TRIM5: variants seen among roughly 807,000 people sequenced by gnomAD.
The protein encoded by TRIM5 is tripartite motif containing 5.
Under a neutral mutation model 35.6 loss-of-function variants are expected in TRIM5, and 31 were observed. The observed-to-expected ratio is 0.87, with a 90% CI of 0.65 to 1.18. The LOEUF is 1.18. TRIM5 is among the 50% of genes most tolerant of loss of function. TRIM5 has a pLI of 0.00. For synonymous variants in TRIM5, 243 were observed against 215.6 expected (o/e 1.13, Z -1.11); for missense variants, 609 against 591.6 (o/e 1.03, Z -0.31).
intron 1 of TRIM5, among the ~76,000 whole-genome samples, chr11:5,683,138 C>T (rs145511662): frequency 0.02 from 3,011 of 152,320 alleles, 99 homozygotes; most frequent in African/African-American, 0.067. Context: ...GCTGCCTCCC[C>T]GCGGGGCAGA....
At chr11:5,633,977 T>G in the TRIM5 span, 2 of 1,468,470 alleles carry the variant, frequency 1.4e-6, no homozygotes, top group Non-Finnish European at 1.9e-6. Context: ...GTCCTTTTTA[T>G]TCCTTGACAT....
the TRIM5 span, among the ~76,000 whole-genome samples, chr11:5,638,769 C>T: frequency 1.3e-5 from 2 of 152,124 alleles, no homozygotes; most frequent in African/African-American, 4.8e-5. Flanking sequence ...AGTATTGTAC[C>T]TGTACAGAAT....
At chr11:5,670,595 A>C (rs1851514202) in intron 4 of TRIM5, among the ~76,000 whole-genome samples, 1 of 152,228 alleles carries the variant, frequency 6.6e-6, no homozygotes, top group Admixed American at 6.5e-5. Context: ...TATGGAAAGG[A>C]TAAGTGAAAC....
chr11:5,598,691 C>G, the TRIM5 span, among the ~76,000 whole-genome samples: 2 of 152,208 alleles, frequency 1.3e-5, no homozygotes, highest in Non-Finnish European at 2.9e-5. Flanking sequence ...AGCCACACTT[C>G]AAATGCTCAA....
In TRIM5 at chr11:5,678,420, A is replaced by G. The variant is rs777240554; in HGVS notation, c.528T>C (p.Tyr176=). ...EKASWKTQIQ[Y]DKTNVLADFE... The stretch of plus-strand genomic sequence containing the variant: ...AATCTGCCAAGACGTTGGTTTTGTC[A>G]TACTGTATTTGAGTCTTCAGAGATA... The change falls in exon 4 of 8, where the codon TAT becomes TAC. Residue 176 remains tyrosine, a synonymous_variant. Coordinates refer to ENST00000380034, the MANE Select transcript of TRIM5 (RefSeq NM_033034.3). 6 of 1,576,682 alleles carry G rather than the reference A, an allele frequency of 3.8e-6. No homozygotes were observed. The South Asian group carries it at 7.0e-5, about 18-fold the overall frequency.
chr11:5,605,402 C>A, the TRIM5 span: 3 of 1,614,162 alleles, frequency 1.9e-6, no homozygotes, highest in Non-Finnish European at 2.5e-6. Context: ...ATATCCTAGA[C>A]AGAGTGGAGC....
chr11:5,675,219 T>C (rs1250586514), intron 4 of TRIM5, among the ~76,000 whole-genome samples: 1 of 151,946 alleles, frequency 6.6e-6, no homozygotes, highest in Admixed American at 6.6e-5. Flanking sequence ...TTTTTTTCAT[T>C]TGTGGGGTAC....
chr11:5,624,201 C>T, the TRIM5 span, among the ~76,000 whole-genome samples: 4 of 152,130 alleles, frequency 2.6e-5, no homozygotes, highest in East Asian at 3.9e-4. Flanking sequence ...GCCTCAGATT[C>T]GCGTAAAAAT....
In TRIM5 at chr11:5,667,708, C is replaced by T. The variant is rs1851250583; in HGVS notation, c.748G>A (p.Val250Met). 6.2e-7 allele frequency: 1 copy of T among 1,613,716 alleles called. No homozygotes were observed. Among genetic ancestry groups the T allele is most frequent in the East Asian group, 2.2e-5 (1 of 44,800 alleles). ...ACATACCTTTTTATGACGCCATCCA[C>T]ACCCTAGGAAGAAGAGAGAAAACAT... ...QGSVMELLQG[V>M]DGVIKRTENV... Residue 250 changes from valine to methionine, a missense_variant, in exon 5 of 8, where the codon GTG becomes ATG. Transcript: ENST00000380034.
the TRIM5 span, among the ~76,000 whole-genome samples, chr11:5,599,698 C>T: frequency 3.0e-5 from 4 of 131,936 alleles, no homozygotes; most frequent in Non-Finnish European, 5.1e-5. Flanking sequence ...CCACCGCGCC[C>T]GGCCAACACA....
the TRIM5 span, chr11:5,590,071 C>T: frequency 0.061 from 9,481 of 156,704 alleles, 322 homozygotes; most frequent in South Asian, 0.097. Flanking sequence ...GCCAGCCCAC[C>T]GGCACTGCGC....
the TRIM5 span, among the ~76,000 whole-genome samples, chr11:5,649,379 C>T: frequency 1.3e-5 from 2 of 152,196 alleles, no homozygotes; most frequent in South Asian, 4.1e-4. Flanking sequence ...GGCCATTCCT[C>T]GTCTTGCCTG....
downstream of TRIM5, among the ~76,000 whole-genome samples, chr11:5,662,650 A>C (rs59814799): frequency 0.099 from 15,140 of 152,304 alleles, 799 homozygotes; most frequent in Non-Finnish European, 0.11. Context: ...GAAATTAAGA[A>C]CAAAGATTTT....
the TRIM5 span, among the ~76,000 whole-genome samples, chr11:5,609,159 C>T: frequency 0.41 from 61,579 of 151,824 alleles, 13,205 homozygotes; most frequent in African/African-American, 0.55. Flanking sequence ...TCCAGAGTCT[C>T]ATCCAACAAG....
the TRIM5 span, chr11:5,634,490 AAT>A: frequency 5.6e-6 from 2 of 358,366 alleles, no homozygotes; most frequent in South Asian, 1.0e-4. Context: ...AGATAATATA[AAT>A]ACACACACAC....
At chr11:5,620,422 C>CGA in the TRIM5 span, among the ~76,000 whole-genome samples, 4 of 151,638 alleles carry the variant, frequency 2.6e-5, no homozygotes, top group South Asian at 8.3e-4. Flanking sequence ...AGACTGGACT[C>CGA]TAACTCCTGA....
At chr11:5,644,560 G>GT in the TRIM5 span, among the ~76,000 whole-genome samples, 2 of 151,458 alleles carry the variant, frequency 1.3e-5, no homozygotes, top group Admixed American at 1.3e-4. Context: ...GAGTGGGACT[G>GT]TTTTTTTTCT....
At chr11:5,608,847 A>ATTTT in the TRIM5 span, among the ~76,000 whole-genome samples, 34 of 101,890 alleles carry the variant, frequency 3.3e-4, 2 homozygotes, top group African/African-American at 6.8e-4. Context: ...TTGCCCATAA[A>ATTTT]TTTTTTTTTT....
Position 5,678,235 on chromosome 11 carries a change from C to T in TRIM5, c.713G>A (p.Arg238Gln), listed in dbSNP as rs577964412. The T allele has an allele frequency of 7.4e-6, 12 of 1,613,416 alleles. No individual in the cohort carries two copies. Among genetic ancestry groups the T allele is most frequent in the Middle Eastern group, 1.7e-4 (1 of 6,054 alleles). The change falls in exon 4 of 8, where the codon CGG becomes CAG. Residue 238 changes from arginine (R) to glutamine (Q), a missense_variant. By Grantham distance (43) the Arg-to-Gln change is conservative (BLOSUM62 1). Coordinates refer to ENST00000380034, the MANE Select transcript of TRIM5 (RefSeq NM_033034.3). ...CAGCTCCATCACTGACCCCTGCAGC[C>T]GATGCTCCAGATCTGAGATGAGCTC... The part of the protein sequence containing the change: ...LRELISDLEH[R>Q]LQGSVMELLQ...
Sources: allele counts gnomAD v4.1 joint callset (sites outside exome capture counted in the v4.1 genomes callset), GRCh38; gene constraint gnomAD v4.1.1; transcripts MANE v1.5; gene names NCBI Gene and HGNC (gene_info 2026-07-23, HGNC 2026-07-21).